Variants in RNASET2 observed in about 807,000 individuals in gnomAD.
RNASET2 encodes ribonuclease 6.
RNASET2 carries 28 observed loss-of-function variants against 33.9 expected under a neutral mutation model. The observed-to-expected ratio is 0.83, with a 90% CI of 0.61 to 1.13. The LOEUF is 1.13. RNASET2 is among the 50% of genes most tolerant of loss of function. The pLI is 0.00. For missense variants in RNASET2, 330 were observed against 319.9 expected, an observed-to-expected ratio of 1.03 and a Z score of -0.24; for synonymous variants, 123 against 121.0, an observed-to-expected ratio of 1.02 and a Z score of -0.11.
At chr6:166,930,763 A>T (rs1244216654) in intron 8 of RNASET2, among the ~76,000 whole-genome samples, 2 of 151,170 alleles carry the variant, frequency 1.3e-5, no homozygotes, top group Non-Finnish European at 2.9e-5. Context: ...CACACACAGG[A>T]CATGCACACA....
intron 1 of RNASET2, among the ~76,000 whole-genome samples, chr6:166,954,525 T>A (rs1160016178): frequency 7.2e-5 from 11 of 152,228 alleles, no homozygotes. Flanking sequence ...CACCTGGGTG[T>A]GAACTAGCAG....
intron 3 of RNASET2, among the ~76,000 whole-genome samples, chr6:166,947,592 C>A (rs775547760): frequency 3.3e-5 from 5 of 152,152 alleles, no homozygotes; most frequent in African/African-American, 1.2e-4. Context: ...GAGGACACCA[C>A]GCAAAGTCTA....
chr6:166,955,187 ACGCACACACG>A lies in RNASET2; in HGVS notation c.86+900_86+909del, dbSNP rs1341536159. On this transcript the variant is annotated intron_variant, in intron 1 of 8. Coordinates refer to ENST00000508775, the MANE Select transcript of RNASET2 (RefSeq NM_003730.6). ...ATTTGGGCGGCTGCCACACACACACACGCACACACGCACGCACACACGCACGCACACACGC... is the reference window on the plus strand; with the variant it reads ...ATTTGGGCGGCTGCCACACACACACACACGCACACACGCACGCACACACGC... 2.4e-3 allele frequency among the ~76,000 whole-genome samples: 215 copies of A among 90,338 alleles called. 2 individuals are homozygous for A. Among genetic ancestry groups the A allele is most frequent in the African/African-American group, 5.6e-3 (103 of 18,332 alleles). The allele number at this position is 90,338 out of a possible 152,430, so 59.3% of individuals were successfully genotyped here. A position where few individuals can be genotyped will look rare whatever the true frequency, so the allele number is the denominator to read the frequency against.
At chr6:166,952,053 G>A (rs1778997083) in intron 2 of RNASET2, among the ~76,000 whole-genome samples, 1 of 152,252 alleles carries the variant, frequency 6.6e-6, no homozygotes, top group Non-Finnish European at 1.5e-5. Flanking sequence ...CTCATCAGAA[G>A]AGACAGAGAG....
Position 166,956,173 on chromosome 6 carries a change from C to T in RNASET2, c.10G>A (p.Ala4Thr), listed in dbSNP as rs1233809644. Residue 4 changes from alanine (A) to threonine (T), a missense_variant, in exon 1 of 9, where the codon GCA becomes ACA. Transcript: ENST00000508775. MRPAALRGALLGCL... is the reference protein window; with the variant it reads MRPTALRGALLGCL... ...CCCAGCAGGGCCCCGCGCAGGGCTG[C>T]AGGGCGCATGGTGCCGACCTGCGGA... 3 of 1,549,550 alleles carry T rather than the reference C, an allele frequency of 1.9e-6. No homozygotes were observed. The Admixed American group carries it at 5.9e-5, about 30-fold the overall frequency.
chr6:166,929,769 C>T lies in RNASET2; in HGVS notation c.590G>A (p.Gly197Asp), dbSNP rs762901010. 1.9e-6 allele frequency: 3 copies of T among 1,613,952 alleles called. No individual in the cohort carries two copies. Among genetic ancestry groups the T allele is most frequent in the Admixed American group, 3.3e-5 (2 of 60,006 alleles). ...CTTAGTGAGGCACAGTTCTATCTGACCAATTGTCTGTACTTCCTCATCCTA... is the reference window on the plus strand; with the variant it reads ...CTTAGTGAGGCACAGTTCTATCTGATCAATTGTCTGTACTTCCTCATCCTA... ...PSQDEEVQTI[G>D]QIELCLTKQD... Residue 197 changes from glycine (G) to aspartate (D), a missense_variant, in exon 9 of 9, where the codon GGT becomes GAT. By Grantham distance (94) the Gly-to-Asp change is moderately conservative. Coordinates refer to ENST00000508775, the MANE Select transcript of RNASET2 (RefSeq NM_003730.6).
rs1779169999 is a variant in RNASET2, at chr6:166,956,483, C to T, written c.-301G>A. On this transcript the variant is annotated 5_prime_UTR_variant, in exon 1 of 9. Transcript: ENST00000508775. Reference sequence around the variant, plus strand: ...ACGTCCCGGGCTCTGCTTCGCGACCCACAGCGACCCCAGCTCCTCCACGCT... The same window carrying T: ...ACGTCCCGGGCTCTGCTTCGCGACCTACAGCGACCCCAGCTCCTCCACGCT... 2.2e-6 allele frequency: 1 copy of T among 449,080 alleles called. No homozygotes were observed. Among genetic ancestry groups the T allele is most frequent in the African/African-American group, 2.1e-5 (1 of 47,140 alleles). 27.8% of individuals were successfully genotyped at this position (449,080 alleles called of 1,614,324 possible).
rs4710143 is a variant in RNASET2, at chr6:166,933,806, G to C, written c.492+285C>G. ...CGTTATAAAAGTGAATGTGACTCTT[G>C]AAACTGCAGATTCCACCTGCTCTGC... is the stretch of plus-strand genomic sequence containing the variant. On this transcript the variant is annotated intron_variant, in intron 7 of 8. Transcript: ENST00000508775. The surrounding 1 kb of genome is among the most constrained non-coding windows in gnomAD (Gnocchi z 4.1). 0.99 allele frequency: 497,981 copies of C among 501,990 alleles called. 247,134 individuals carry two copies. Among genetic ancestry groups the C allele is most frequent in the East Asian group, 1 (30,786 of 30,786 alleles). 31.1% of individuals were successfully genotyped at this position (501,990 alleles called of 1,614,324 possible). A position where few individuals can be genotyped will look rare whatever the true frequency, so the allele number is the denominator to read the frequency against.
intron 2 of RNASET2, 91 bp downstream of exon 2, chr6:166,952,397 C>T: frequency 1.8e-6 from 2 of 1,116,672 alleles, no homozygotes; most frequent in Non-Finnish European, 2.8e-6. Context: ...CCCGCACCAG[C>T]AGCGTGGGTG....
At chr6:166,942,705 G>A (rs568978378) in intron 5 of RNASET2, among the ~76,000 whole-genome samples, 113 of 152,272 alleles carry the variant, frequency 7.4e-4, no homozygotes, top group African/African-American at 2.6e-3. Flanking sequence ...GCCTCCCAAA[G>A]TGCTAGGATT....
intron 4 of RNASET2, among the ~76,000 whole-genome samples, chr6:166,945,766 G>A (rs988894764): frequency 4.7e-5 from 7 of 150,480 alleles, no homozygotes; most frequent in African/African-American, 1.7e-4. Context: ...GGAGGTGGAG[G>A]TTGCAGTGAG....
chr6:166,941,330 T>G (rs1778686346), intron 5 of RNASET2, among the ~76,000 whole-genome samples: 2 of 152,226 alleles, frequency 1.3e-5, no homozygotes, highest in South Asian at 4.1e-4. Flanking sequence ...GCTGATTTAT[T>G]TTAAGCCATT....
In RNASET2 at chr6:166,927,313, T is replaced by G. The variant is rs1229775380; in HGVS notation, c.*2275A>C. 2.6e-5 allele frequency among the ~76,000 whole-genome samples: 4 copies of G among 151,896 alleles called. No homozygotes were observed. Among genetic ancestry groups the G allele is most frequent in the African/African-American group, 9.7e-5 (4 of 41,350 alleles). On this transcript the variant is annotated 3_prime_UTR_variant, in exon 9 of 9. Coordinates refer to ENST00000508775, the MANE Select transcript of RNASET2 (RefSeq NM_003730.6). ...CCTGCTCCTGAGCTCTAGGCCAAAA[T>G]AGGAATATTAAGAGAGCCAAGCATT...
rs1778322961 is a variant in RNASET2, at chr6:166,927,399, A to C, written c.*2189T>G. The stretch of plus-strand genomic sequence containing the variant: ...ACCAGTGCCTTCTTCCATTTAGCTG[A>C]CGTGACAATGGCAGGAAACCAGCAC... On this transcript the variant is annotated 3_prime_UTR_variant, in exon 9 of 9. Transcript: ENST00000508775. 1.3e-5 allele frequency among the ~76,000 whole-genome samples: 2 copies of C among 152,126 alleles called. No individual in the cohort carries two copies. The highest frequency in any genetic ancestry group is 2.1e-4 in the South Asian group (1 of 4,826).
intron 6 of RNASET2, among the ~76,000 whole-genome samples, chr6:166,936,518 T>C (rs919547026): frequency 1.3e-5 from 2 of 152,168 alleles, no homozygotes; most frequent in African/African-American, 4.8e-5. Context: ...CTCAGGAAAC[T>C]TCCGCTCATG....
At chr6:166,935,144 C>T (rs1445957547) in intron 6 of RNASET2, 2 of 152,032 alleles carry the variant, frequency 1.3e-5, no homozygotes, top group Admixed American at 6.6e-5. Context: ...CCCATCATGG[C>T]CCGAACCCAC....
rs1778291379 is a variant in RNASET2 at position 166,925,490 on chromosome 6, C to T, written c.*4098G>A. Among the ~76,000 whole-genome samples the T allele has an allele frequency of 6.6e-6, 1 of 151,492 alleles. No homozygotes were observed. The highest frequency in any genetic ancestry group is 1.5e-5 in the Non-Finnish European group (1 of 67,812). ...CATCTATACTGCCCAGCCCTCACCT[C>T]CCCTGTCCAGCCCTCACCTCCCCGG... On this transcript the variant is annotated 3_prime_UTR_variant, in exon 9 of 9. Coordinates refer to ENST00000508775, the MANE Select transcript of RNASET2 (RefSeq NM_003730.6).
chr6:166,956,102 G>A lies in RNASET2; in HGVS notation c.81C>T (p.Arg27=), dbSNP rs763769928. The A allele has an allele frequency of 6.4e-7, 1 of 1,552,196 alleles. No homozygotes were observed. Among genetic ancestry groups the A allele is most frequent in the East Asian group, 2.4e-5 (1 of 40,992 alleles). ...TACCTCGCAAGGTAACTCACCGCAG[G>A]CGCTTGTCCGCACCGCCCAGGCAAA... ...ALLCLGGADK[R]LRDNHEWKKL... The change falls in exon 1 of 9, where the codon CGC becomes CGT. Residue 27 remains arginine (R), a synonymous_variant. Coordinates refer to ENST00000508775, the MANE Select transcript of RNASET2 (RefSeq NM_003730.6).
In RNASET2 at chr6:166,948,876, C is replaced by G. The variant is rs139188917; in HGVS notation, c.148-251G>C. 7.9e-5 allele frequency among the ~76,000 whole-genome samples: 12 copies of G among 152,290 alleles called. No homozygotes were observed. The Middle Eastern group carries it at 0.01, about 129-fold the overall frequency. On this transcript the variant is annotated intron_variant, in intron 2 of 8. Transcript: ENST00000508775. The stretch of plus-strand genomic sequence containing the variant: ...AAACAACTGACTTAACAGAAACAGC[C>G]ATTTTTGTTAAGCCATTCCTCAAAT...
Sources: allele counts gnomAD v4.1 joint callset (sites outside exome capture counted in the v4.1 genomes callset), GRCh38; gene constraint gnomAD v4.1.1; non-coding constraint Gnocchi (gnomAD v3.1); transcripts MANE v1.5; gene names NCBI Gene and HGNC (gene_info 2026-07-23, HGNC 2026-07-21).